ZBTB40: variants seen among roughly 807,000 people sequenced by gnomAD.
ZBTB40 encodes the protein zinc finger and BTB domain-containing protein 40.
ZBTB40 carries 60 observed loss-of-function variants against 117.5 expected under a neutral mutation model. That is an observed-to-expected ratio of 0.51 (90% CI 0.41 to 0.63). The LOEUF (loss-of-function observed/expected upper bound fraction) is 0.63. Ranked by LOEUF, ZBTB40 falls within the 30% of genes least tolerant of loss-of-function variation. ZBTB40 has a pLI of 0.00. For synonymous variants in ZBTB40, 525 were observed against 577.1 expected, an observed-to-expected ratio of 0.91 and a Z score of 1.29; for missense variants, 1,287 against 1,498.5, an observed-to-expected ratio of 0.86 and a Z score of 2.33.
intron 1 of ZBTB40, among the ~76,000 whole-genome samples, chr1:22,457,199 C>T (rs933171889): frequency 3.3e-5 from 5 of 152,044 alleles, no homozygotes; most frequent in African/African-American, 1.2e-4. Context: ...GAAAGAAAGG[C>T]TGTTTCCCTG....
At chr1:22,504,189 C>T (rs989878698) in intron 5 of ZBTB40, among the ~76,000 whole-genome samples, 1 of 152,168 alleles carries the variant, frequency 6.6e-6, no homozygotes, top group African/African-American at 2.4e-5. Context: ...AGTATTTTGA[C>T]ATCGTGTGGA....
Position 22,501,609 on chromosome 1 carries a change from C to T in ZBTB40, c.949C>T (p.Gln317Ter), listed in dbSNP as rs751936550. ...QTVVSLLRLY[Q>*]YSNPAVKTAL... ...TGTTGTGTCCCTGTTGAGGCTGTAC[C>T]AATATTCTAATCCTGCAGTAAAAAC... Residue 317 changes from glutamine to a stop codon, truncating the protein, a stop_gained, in exon 4 of 18, where the codon CAA (glutamine) becomes TAA (stop). Coordinates refer to ENST00000375647, the MANE Select transcript of ZBTB40 (RefSeq NM_014870.4). LOFTEE classifies it high-confidence loss of function. The T allele has an allele frequency of 6.8e-6, 11 of 1,613,920 alleles. No individual in the cohort carries two copies. Among genetic ancestry groups the T allele is most frequent in the Non-Finnish European group, 9.3e-6 (11 of 1,180,012 alleles).
At chr1:22,438,111 CAA>C (rs1022768776) in intron 1 of ZBTB40, among the ~76,000 whole-genome samples, 6 of 152,070 alleles carry the variant, frequency 3.9e-5, no homozygotes, top group African/African-American at 1.4e-4. Flanking sequence ...GCCTGGGCAA[CAA>C]GAGTGAAACT....
chr1:22,450,530 A>C (rs1381251285), upstream of ZBTB40, among the ~76,000 whole-genome samples: 2 of 152,240 alleles, frequency 1.3e-5, no homozygotes, highest in Non-Finnish European at 2.9e-5. Flanking sequence ...TGTACCCTGA[A>C]GGGGCCTGTT....
At chr1:22,519,771 A>ATC in intron 13 of ZBTB40, 10 of 449,722 alleles carry the variant, frequency 2.2e-5, no homozygotes, top group Admixed American at 3.4e-5. Context: ...GATAAAGTGT[A>ATC]ATTTAACTTG....
At chr1:22,432,583 G>T (rs1640607126) in intron 1 of ZBTB40, among the ~76,000 whole-genome samples, 1 of 152,234 alleles carries the variant, frequency 6.6e-6, no homozygotes, top group Admixed American at 6.5e-5. Flanking sequence ...GGATAGTAAA[G>T]TTATAGAACA....
chr1:22,494,783 T>C (rs1434401457), intron 3 of ZBTB40, among the ~76,000 whole-genome samples: 1 of 152,208 alleles, frequency 6.6e-6, no homozygotes, highest in Non-Finnish European at 1.5e-5. Context: ...CAATAAGACT[T>C]GATCCCTGTC....
chr1:22,440,618 A>G (rs1309178756), intron 1 of ZBTB40, among the ~76,000 whole-genome samples: 2 of 151,328 alleles, frequency 1.3e-5, no homozygotes, highest in African/African-American at 4.9e-5. Flanking sequence ...TTTTTTATAT[A>G]TGGCTTTTAT....
intron 1 of ZBTB40, among the ~76,000 whole-genome samples, chr1:22,445,991 T>C (rs1302295774): frequency 6.6e-6 from 1 of 151,972 alleles, no homozygotes; most frequent in African/African-American, 2.4e-5. Context: ...TAAGCAACTG[T>C]GAATTAACAT....
intron 15 of ZBTB40, among the ~76,000 whole-genome samples, chr1:22,521,864 C>T (rs1047020338): frequency 2.0e-5 from 3 of 152,176 alleles, no homozygotes; most frequent in Non-Finnish European, 2.9e-5. Context: ...AAGCGTAGCG[C>T]AGTGTAAGCT....
intron 1 of ZBTB40, among the ~76,000 whole-genome samples, chr1:22,469,344 T>C (rs1055217878): frequency 1.3e-5 from 2 of 152,188 alleles, no homozygotes; most frequent in Non-Finnish European, 2.9e-5. Flanking sequence ...AGTCTCACTA[T>C]GTTGCCCAGG....
chr1:22,486,718 TTTTGTTTTG>T (rs2124425268), intron 1 of ZBTB40, among the ~76,000 whole-genome samples: 1 of 14,330 alleles, frequency 7.0e-5, no homozygotes, highest in African/African-American at 2.1e-3. Context: ...CATACATTTT[TTTTGTTTTG>T]TTTTGTTTTG....
At chr1:22,517,922 G>A (rs775712931) in intron 13 of ZBTB40, among the ~76,000 whole-genome samples, 3 of 152,164 alleles carry the variant, frequency 2.0e-5, no homozygotes, top group Admixed American at 6.5e-5. Context: ...ATTCTCTTCC[G>A]AATGCCATTG....
At chr1:22,435,465 C>T (rs1049088947) in intron 1 of ZBTB40, among the ~76,000 whole-genome samples, 1 of 152,030 alleles carries the variant, frequency 6.6e-6, no homozygotes, top group Non-Finnish European at 1.5e-5. Flanking sequence ...TTTTCCTTCC[C>T]CCACATCTCT....
At position 22,512,858 on chromosome 1, in the gene ZBTB40, T is replaced by G. The variant is rs1639277972; in HGVS notation, c.2462-66T>G. 3 of 1,559,504 alleles carry G rather than the reference T, an allele frequency of 1.9e-6. No homozygotes were observed. The Admixed American group carries it at 5.0e-5, about 26-fold the overall frequency. On this transcript the variant is annotated intron_variant, in intron 11 of 17. Coordinates refer to ENST00000375647, the MANE Select transcript of ZBTB40 (RefSeq NM_014870.4). ...GGCTGAGACAGTGCTCTTGGTATCC[T>G]GTGCTAGATTCCTAACACTGATTAG...
At position 22,522,421 on chromosome 1, in the gene ZBTB40, A is replaced by C; in HGVS notation, c.3256A>C (p.Thr1086Pro). The change falls in exon 16 of 18, where the codon ACG (threonine) becomes CCG (proline). Residue 1086 changes from threonine to proline, a missense_variant. Physicochemically the swap from Thr to Pro is conservative, Grantham distance 38. Around this residue, in one of 2 missense-constraint regions of ZBTB40, gnomAD observed 417 missense variants for 564.1 expected, o/e 0.74. Transcript: ENST00000375647. ...ECDQCKELFP[T>P]PALLQVHVKC... is the part of the protein sequence containing the mutation. ...TGACCAGTGTAAGGAGCTCTTCCCCACGCCAGCCTTGCTGCAGGTTCATGT... is the reference window on the plus strand; with the variant it reads ...TGACCAGTGTAAGGAGCTCTTCCCCCCGCCAGCCTTGCTGCAGGTTCATGT... 5 of 1,614,142 alleles carry C rather than the reference A, an allele frequency of 3.1e-6. No individual in the cohort carries two copies. The highest frequency in any genetic ancestry group is 4.2e-6 in the Non-Finnish European group (5 of 1,180,022).
intron 1 of ZBTB40, among the ~76,000 whole-genome samples, chr1:22,463,768 G>A (rs1395361696): frequency 6.6e-6 from 1 of 152,200 alleles, no homozygotes; most frequent in African/African-American, 2.4e-5. Flanking sequence ...CTATGAATTA[G>A]TCAGAAGATA....
chr1:22,431,382 GTGTATATATATA>G (rs1640585270), intron 1 of ZBTB40, among the ~76,000 whole-genome samples: 1 of 15,484 alleles, frequency 6.5e-5, no homozygotes, highest in African/African-American at 1.1e-4. Context: ...GTGTGTGTGT[GTGTATATATATA>G]TATATATATA....
At chr1:22,445,820 A>T (rs1178819083) in intron 1 of ZBTB40, among the ~76,000 whole-genome samples, 1 of 148,582 alleles carries the variant, frequency 6.7e-6, no homozygotes, top group African/African-American at 2.5e-5. Flanking sequence ...ACACCACTGC[A>T]CTCCAGCCTG....
Sources: allele counts gnomAD v4.1 joint callset (sites outside exome capture counted in the v4.1 genomes callset), GRCh38; gene constraint gnomAD v4.1.1; regional missense constraint gnomAD v4.1.1; transcripts MANE v1.5; gene names NCBI Gene and HGNC (gene_info 2026-07-23, HGNC 2026-07-21).